The following ANKRD36C variants were observed in gnomAD, a reference collection of about 807,000 sequenced individuals.
The protein encoded by ANKRD36C is ankyrin repeat domain 36C.
A neutral mutation model predicts 276.4 loss-of-function variants in ANKRD36C; 61 were observed. That is an observed-to-expected ratio of 0.22 (90% confidence interval 0.18 to 0.27). The LOEUF (loss-of-function observed/expected upper bound fraction) is 0.27, where lower values mean the gene tolerates loss of function less well. ANKRD36C is among the 10% of genes least tolerant of loss of function. The pLI is 1.00. For synonymous variants in ANKRD36C, 483 were observed against 680.1 expected, an observed-to-expected ratio of 0.71 and a Z score of 4.51; for missense variants, 1,447 against 2,032.3, an observed-to-expected ratio of 0.71 and a Z score of 5.54.
At chr2:95,893,082 G>A (rs1412303346) in intron 44 of ANKRD36C, among the ~76,000 whole-genome samples, 5 of 151,196 alleles carry the variant, frequency 3.3e-5, no homozygotes, top group African/African-American at 7.3e-5. Context: ...CTCACAATCC[G>A]TCATCCTTGG....
chr2:95,927,353 T>C, intron 27 of ANKRD36C, 28 bp downstream of exon 27: 2 of 1,607,114 alleles, frequency 1.2e-6, no homozygotes, highest in Non-Finnish European at 1.7e-6. Context: ...CAGTTAATAG[T>C]TCAACATATA....
intron 6 of ANKRD36C, among the ~76,000 whole-genome samples, chr2:95,976,831 C>T (rs1396311554): frequency 2.6e-5 from 4 of 151,912 alleles, no homozygotes; most frequent in Non-Finnish European, 5.9e-5. Flanking sequence ...TGTTAGAATT[C>T]ATACTCCCTC....
At chr2:95,987,186 C>T in exon 2 of ANKRD36C, 1 of 1,548,066 alleles carries the variant, frequency 6.5e-7, no homozygotes, top group Non-Finnish European at 8.7e-7. Flanking sequence ...GCCAGTGGCA[C>T]AGGCCAAATG....
At chr2:95,967,629 C>T (rs1678618569) in intron 6 of ANKRD36C, among the ~76,000 whole-genome samples, 1 of 152,062 alleles carries the variant, frequency 6.6e-6, no homozygotes, top group African/African-American at 2.4e-5. Context: ...CCAGTAATCA[C>T]ATTACTGGGC....
chr2:95,986,618 G>A lies in ANKRD36C; in HGVS notation c.486+133C>T, dbSNP rs1679030958. The A allele has an allele frequency of 8.5e-6, 10 of 1,171,680 alleles. No homozygotes were observed. In the African/African-American group the frequency reaches 1.2e-4, roughly 15 times the overall value. 72.6% of individuals were successfully genotyped at this position (1,171,680 alleles called of 1,614,324 possible). A position where few individuals can be genotyped will look rare whatever the true frequency, so the allele number is the denominator to read the frequency against. On this transcript the variant is annotated intron_variant, in intron 3 of 66. Coordinates refer to ENST00000456556, the Ensembl canonical transcript of ANKRD36C. ...AAAATTTAAAGTAAAATCTTAGACAGTTAAGGCATTTCAAAATATTTTCAT... is the reference window on the plus strand; with the variant it reads ...AAAATTTAAAGTAAAATCTTAGACAATTAAGGCATTTCAAAATATTTTCAT...
intron 24 of ANKRD36C, among the ~76,000 whole-genome samples, chr2:95,931,511 C>A (rs1677567871): frequency 1.3e-5 from 2 of 150,560 alleles, no homozygotes; most frequent in South Asian, 4.2e-4. Context: ...CTACCCATAA[C>A]ACCACTATGT....
chr2:95,891,750 T>C lies in ANKRD36C; in HGVS notation c.2785-13A>G, dbSNP rs757641001. On this transcript the variant is annotated splice_polypyrimidine_tract_variant and intron_variant, in intron 45 of 66. Transcript: ENST00000456556. ...CGTCACTTGTAGCCTGAATGGAATT[T>C]GAAATGAAATAATAAATTAATAAAG... 29 of 1,574,778 alleles carry C rather than the reference T, an allele frequency of 1.8e-5. No homozygotes were observed. In the African/African-American group the frequency reaches 2.9e-4, roughly 15 times the overall value.
rs564204656 is a variant in ANKRD36C at position 95,917,516 on chromosome 2, CCTCT to C, written c.2347+335_2347+338del. 5.7e-4 allele frequency among the ~76,000 whole-genome samples: 87 copies of C among 151,586 alleles called. 1 individual carries two copies. The highest frequency in any genetic ancestry group is 1.8e-3 in the African/African-American group (73 of 41,460). On this transcript the variant is annotated intron_variant, in intron 36 of 66. Coordinates refer to ENST00000456556, the Ensembl canonical transcript of ANKRD36C. ...TGTGACGTCTGTAAAATCTATACTT[CCTCT>C]CTTTCTCCTTCCACCCTTAGTGAAA...
At chr2:95,984,515 T>C (rs981011340) in intron 3 of ANKRD36C, among the ~76,000 whole-genome samples, 13 of 152,370 alleles carry the variant, frequency 8.5e-5, no homozygotes, top group Admixed American at 2.6e-4. Flanking sequence ...GCTGTGGATA[T>C]GTCTCCAAGC....
chr2:95,944,443 T>G (rs529208194), intron 19 of ANKRD36C, among the ~76,000 whole-genome samples, 184 bp downstream of exon 19: 1 of 152,348 alleles, frequency 6.6e-6, no homozygotes, highest in East Asian at 1.9e-4. Context: ...CATTCCTTTA[T>G]AGGATCCTTG....
At chr2:95,889,870 G>A in exon 48 of ANKRD36C, 2 of 1,605,522 alleles carry the variant, frequency 1.2e-6, no homozygotes, top group Non-Finnish European at 1.7e-6. Context: ...GTCACTTGTA[G>A]CCTGAATGGA....
rs907858928 is a variant in ANKRD36C at position 95,925,561 on chromosome 2, G to T, written c.1940-14C>A. ...TCTGAGGAGACACTGAAAAGTAAAA[G>T]AAATATATAATTCATCATATGTAAA... is the stretch of plus-strand genomic sequence containing the variant. On this transcript the variant is annotated splice_polypyrimidine_tract_variant and intron_variant, in intron 28 of 66. Transcript: ENST00000456556. 3.2e-5 allele frequency: 49 copies of T among 1,540,438 alleles called. No individual in the cohort carries two copies. The Admixed American group carries it at 9.2e-4, about 29-fold the overall frequency.
At chr2:95,867,510 G>A (rs958323548) in exon 60 of ANKRD36C, 44 of 1,426,804 alleles carry the variant, frequency 3.1e-5, no homozygotes, top group South Asian at 1.7e-4. Context: ...GCGAGTCACC[G>A]TCCTCTGAGA....
intron 3 of ANKRD36C, among the ~76,000 whole-genome samples, chr2:95,984,593 A>T (rs1489520258): frequency 6.6e-6 from 1 of 152,026 alleles, no homozygotes; most frequent in Non-Finnish European, 1.5e-5. Context: ...TTTTTTTTCC[A>T]AAATAGGCCC....
intron 56 of ANKRD36C, 86 bp downstream of exon 76, chr2:95,882,216 A>G (rs1229534912): frequency 6.1e-6 from 9 of 1,465,304 alleles, no homozygotes; most frequent in Non-Finnish European, 8.3e-6. Context: ...TGCATTTTCA[A>G]TGAGCCCCCT....
chr2:95,855,982 C>T lies in ANKRD36C; in HGVS notation c.4279G>A (p.Glu1427Lys), dbSNP rs2696786. The stretch of plus-strand genomic sequence containing the variant: ...TGTCCACTATAACAGGCTATCGTTT[C>T]TGCTAATGTTTCCTCATTCCGTTTT... Residue 1427 changes from glutamate (E) to lysine (K), a missense_variant, in exon 63 of 67, where the codon GAA becomes AAA. By Grantham distance (56) the Glu-to-Lys change is moderately conservative. This residue lies in a region of ANKRD36C where 437 missense variants were observed against 641.0 expected (regional missense o/e 0.68). Transcript: ENST00000456556. 9.3e-6 allele frequency: 15 copies of T among 1,612,832 alleles called. No homozygotes were observed. In the African/African-American group the frequency reaches 9.3e-5, roughly 10 times the overall value.
At chr2:95,867,247 A>T (rs1311741103) in intron 60 of ANKRD36C, among the ~76,000 whole-genome samples, 193 bp downstream of exon 80, 1 of 152,234 alleles carries the variant, frequency 6.6e-6, no homozygotes, top group Non-Finnish European at 1.5e-5. Flanking sequence ...TGAGAAAAGT[A>T]CAGTGAAATG....
chr2:95,910,942 T>C (rs942742584), intron 42 of ANKRD36C, among the ~76,000 whole-genome samples: 2 of 151,434 alleles, frequency 1.3e-5, no homozygotes, highest in Non-Finnish European at 3.0e-5. Flanking sequence ...CACATGTCTT[T>C]CGTGCAACAA....
At chr2:95,863,116 A>T (rs1017095517) in intron 60 of ANKRD36C, among the ~76,000 whole-genome samples, 1 of 152,166 alleles carries the variant, frequency 6.6e-6, no homozygotes, top group African/African-American at 2.4e-5. Context: ...TGCTCCGAAT[A>T]AAAGAAACAA....
Sources: gnomAD v4.1 joint callset for allele counts (sites outside exome capture counted in the v4.1 genomes callset) on GRCh38, gnomAD v4.1.1 for gene constraint, gnomAD v4.1.1 regional missense constraint, MANE v1.5 for transcripts, NCBI Gene and HGNC (gene_info 2026-07-23, HGNC 2026-07-21) for gene names.